PUM1: variants seen among roughly 807,000 people sequenced by gnomAD.
The protein encoded by PUM1 is pumilio RNA binding family member 1.
A neutral mutation model predicts 131.8 loss-of-function variants in PUM1; 13 were observed. That is an observed-to-expected ratio of 0.10 (90% CI 0.06 to 0.16). The LOEUF (loss-of-function observed/expected upper bound fraction) is 0.16. Among genes scored for constraint, PUM1 ranks in the 10% least tolerant of loss-of-function variants. The pLI, the probability that PUM1 is intolerant of heterozygous loss-of-function variation, is 1.00. For synonymous variants in PUM1, 509 were observed against 556.5 expected, an observed-to-expected ratio of 0.91 and a Z score of 1.20; for missense variants, 961 against 1,512.4, an observed-to-expected ratio of 0.64 and a Z score of 6.05.
At chr1:31,006,526 CTA>C (rs374641993) in intron 4 of PUM1, among the ~76,000 whole-genome samples, 1 of 152,164 alleles carries the variant, frequency 6.6e-6, no homozygotes, top group African/African-American at 2.4e-5. Flanking sequence ...GTGTCTGCCT[CTA>C]TAAGTTCTCC....
chr1:31,043,259 A>G (rs746258094), intron 2 of PUM1, among the ~76,000 whole-genome samples: 1 of 151,860 alleles, frequency 6.6e-6, no homozygotes, highest in Non-Finnish European at 1.5e-5. Context: ...TTGGAGTGCA[A>G]TGGTGCGATC....
At chr1:30,939,389 GCCCC>G (rs543737709) in intron 20 of PUM1, among the ~76,000 whole-genome samples, 1 of 152,084 alleles carries the variant, frequency 6.6e-6, no homozygotes, top group Non-Finnish European at 1.5e-5. Flanking sequence ...TTAAAACTGG[GCCCC>G]CCCGAACCCC....
At chr1:30,933,779 T>A (rs1014997046) in intron 21 of PUM1, among the ~76,000 whole-genome samples, 1 of 152,214 alleles carries the variant, frequency 6.6e-6, no homozygotes, top group Non-Finnish European at 1.5e-5. Context: ...GTGGGGGTTA[T>A]TTCGGGTCAC....
intron 5 of PUM1, among the ~76,000 whole-genome samples, chr1:30,999,620 A>C (rs1570242644): frequency 8.2e-6 from 1 of 122,324 alleles, no homozygotes; most frequent in Non-Finnish European, 1.8e-5. Context: ...AAAAAAAAAA[A>C]AAAAAAAAAA....
rs527535740 is a variant in PUM1 at position 30,991,275 on chromosome 1, A to T, written c.1158+1115T>A. ...CTAAGAACTGCACGGAGAAGAGTGT[A>T]CACTTTCAGTTTACTCTCTCTGAAA... On this transcript the variant is annotated intron_variant, in intron 7 of 21. Coordinates refer to ENST00000426105, the MANE Select transcript of PUM1 (RefSeq NM_001020658.2). 5.3e-5 allele frequency among the ~76,000 whole-genome samples: 8 copies of T among 152,298 alleles called. No individual in the cohort carries two copies. The South Asian group carries it at 1.7e-3, about 32-fold the overall frequency.
At position 30,953,974 on chromosome 1, in the gene PUM1, G is replaced by A. The variant is rs756887419; in HGVS notation, c.2331C>T (p.Leu777=). ...GSSSSLNLGG[L]TNGSGRYISA... The stretch of plus-strand genomic sequence containing the variant: ...AGATGTATCTTCCACTGCCATTCGT[G>A]AGTCCTCCTGTTGGTTACAGAACAG... The change falls in exon 15 of 22, where the codon CTC becomes CTT. Residue 777 remains leucine, a synonymous_variant. Coordinates refer to ENST00000426105, the MANE Select transcript of PUM1 (RefSeq NM_001020658.2). 4.1e-5 allele frequency: 66 copies of A among 1,613,714 alleles called. No individual in the cohort carries two copies. The highest frequency in any genetic ancestry group is 6.6e-5 in the South Asian group (6 of 91,074).
intron 3 of PUM1, among the ~76,000 whole-genome samples, chr1:31,008,949 G>A (rs61780465): frequency 0.072 from 10,827 of 151,124 alleles, 643 homozygotes; most frequent in East Asian, 0.28. Context: ...CAAGGCAGGA[G>A]CATCACAAGG....
At chr1:30,956,387 C>T (rs1398822834) in intron 14 of PUM1, among the ~76,000 whole-genome samples, 1 of 152,068 alleles carries the variant, frequency 6.6e-6, no homozygotes, top group African/African-American at 2.4e-5. Context: ...CCTCAGCCGT[C>T]CAAGTAGCTG....
rs188744003 is a variant in PUM1, at chr1:31,055,561, C to T, written c.363+3643G>A. The stretch of plus-strand genomic sequence containing the variant: ...CCCCAACGTTGTTCATTATTTCATG[C>T]GTCCAGCCCAAAGAATTGTGTTGTA... On this transcript the variant is annotated intron_variant, in intron 2 of 21. Transcript: ENST00000426105. Among the ~76,000 whole-genome samples the T allele has an allele frequency of 2.6e-3, 397 of 152,288 alleles. 2 individuals carry two copies. The highest frequency in any genetic ancestry group is 4.2e-3 in the Non-Finnish European group (286 of 68,026).
chr1:31,062,720 TC>T (rs1235406543), intron 1 of PUM1, among the ~76,000 whole-genome samples: 1 of 151,948 alleles, frequency 6.6e-6, no homozygotes, highest in Non-Finnish European at 1.5e-5. Flanking sequence ...GGCCTAACAG[TC>T]TACTGCTACA....
At chr1:31,063,783 T>C (rs143954481) in intron 1 of PUM1, among the ~76,000 whole-genome samples, 42 of 152,298 alleles carry the variant, frequency 2.8e-4, no homozygotes, top group African/African-American at 8.4e-4. Flanking sequence ...AAGCTATCTG[T>C]ATGCCCTAAG....
At chr1:30,969,316 C>CACA (rs1408362237) in intron 10 of PUM1, among the ~76,000 whole-genome samples, 9 of 51,202 alleles carry the variant, frequency 1.8e-4, no homozygotes, top group African/African-American at 5.9e-4. Context: ...AACACACACA[C>CACA]AAAAAAAAAA....
chr1:30,976,150 G>A (rs566096346), intron 9 of PUM1, among the ~76,000 whole-genome samples: 2 of 151,444 alleles, frequency 1.3e-5, no homozygotes, highest in South Asian at 2.1e-4. Flanking sequence ...CATTTTCCTT[G>A]GCAACAAAGT....
chr1:31,028,797 T>A lies in PUM1; in HGVS notation c.431A>T (p.Glu144Val), dbSNP rs1319061974. Residue 144 changes from glutamate (E) to valine (V), a missense_variant and splice_region_variant, in exon 3 of 22, where the codon GAG (glutamate) becomes GTG (valine). Glu to Val is a moderately radical substitution (Grantham distance 121). Around this residue, in one of 4 missense-constraint regions of PUM1, gnomAD observed 654 missense variants for 923.9 expected, o/e 0.71. Coordinates refer to ENST00000426105, the MANE Select transcript of PUM1 (RefSeq NM_001020658.2). ...ALALEGRAMG[E>V]QLLPGKKFWE... is the part of the protein sequence containing the mutation. ...TTTCTGACACACCAGTTCACTTACC[T>A]CTCCCATCGCTCTTCCCTCCAGAGC... is the stretch of plus-strand genomic sequence containing the variant. 1.2e-6 allele frequency: 2 copies of A among 1,612,804 alleles called. No individual in the cohort carries two copies. The highest frequency in any genetic ancestry group is 1.7e-6 in the Non-Finnish European group (2 of 1,178,918).
At chr1:30,962,449 G>C (rs546740824) in intron 14 of PUM1, among the ~76,000 whole-genome samples, 22 of 152,240 alleles carry the variant, frequency 1.4e-4, no homozygotes, top group Non-Finnish European at 2.2e-4. Flanking sequence ...GTCTTACTCT[G>C]TTGCTCAGGC....
intron 3 of PUM1, among the ~76,000 whole-genome samples, chr1:31,028,585 T>C (rs1053360798): frequency 6.6e-6 from 1 of 152,252 alleles, no homozygotes; most frequent in African/African-American, 2.4e-5. Context: ...TACTTTGTTT[T>C]GCTTTTAAGA....
At chr1:30,936,395 T>A (rs114257771) in intron 21 of PUM1, among the ~76,000 whole-genome samples, 99 of 152,222 alleles carry the variant, frequency 6.5e-4, no homozygotes, top group African/African-American at 2.2e-3. Flanking sequence ...TCTCTAGAGA[T>A]CAGGGATGGA....
chr1:30,957,525 G>C (rs1176038452), intron 14 of PUM1, among the ~76,000 whole-genome samples: 1 of 152,184 alleles, frequency 6.6e-6, no homozygotes, highest in African/African-American at 2.4e-5. Flanking sequence ...TTTCTCATAA[G>C]GCTTCAAAGG....
Position 30,974,658 on chromosome 1 carries a change from T to C in PUM1, c.1499A>G (p.Gln500Arg), listed in dbSNP as rs1178407126. 1 of 1,606,320 alleles carries C rather than the reference T, an allele frequency of 6.2e-7. No individual in the cohort carries two copies. The highest frequency in any genetic ancestry group is 1.1e-5 in the South Asian group (1 of 89,726). ...AATTTTGTCTACATTTACCTGCTGCTGTCCTTGCTGAGCCTGTGGGGTGGT... is the reference window on the plus strand; with the variant it reads ...AATTTTGTCTACATTTACCTGCTGCCGTCCTTGCTGAGCCTGTGGGGTGGT... ...QQTTPQAQQG[Q>R]QQVLRGGASQ... Residue 500 changes from glutamine to arginine, a missense_variant, in exon 10 of 22, where the codon CAG (glutamine) becomes CGG (arginine). This residue lies in a region of PUM1 where 654 missense variants were observed against 923.9 expected (regional missense o/e 0.71). Coordinates refer to ENST00000426105, the MANE Select transcript of PUM1 (RefSeq NM_001020658.2).
Sources: gnomAD v4.1 joint callset for allele counts (sites outside exome capture counted in the v4.1 genomes callset) on GRCh38, gnomAD v4.1.1 for gene constraint, gnomAD v4.1.1 regional missense constraint, MANE v1.5 for transcripts, NCBI Gene and HGNC (gene_info 2026-07-23, HGNC 2026-07-21) for gene names.